The following NR2E1 variants were observed in gnomAD, a reference collection of about 807,000 sequenced individuals.
NR2E1 encodes nuclear receptor TLX.
Under a neutral mutation model 43.6 loss-of-function variants are expected in NR2E1, and 5 were observed. The ratio of observed to expected loss-of-function variants is 0.11; its 90% CI spans 0.06 to 0.24. The LOEUF (loss-of-function observed/expected upper bound fraction) is 0.24, where lower values mean the gene tolerates loss of function less well. NR2E1 is among the 10% of genes least tolerant of loss of function. The pLI is 1.00. For synonymous variants in NR2E1, 191 were observed against 195.5 expected (o/e 0.98, Z 0.19); for missense variants, 287 against 496.7 (o/e 0.58, Z 4.01).
chr6:108,169,370 C>T lies in NR2E1; in HGVS notation c.26-2088C>T, dbSNP rs879799334. Among the ~76,000 whole-genome samples the T allele has an allele frequency of 8.5e-5, 13 of 152,186 alleles. No individual in the cohort carries two copies. Among genetic ancestry groups the T allele is most frequent in the Non-Finnish European group, 1.9e-4 (13 of 68,032 alleles). On this transcript the variant is annotated intron_variant, in intron 1 of 8. Transcript: ENST00000368986. The surrounding 1 kb of genome is among the most constrained non-coding windows in gnomAD (Gnocchi z 6.1). ...CCCCACCCTGCACTGGTCTTCCCTC[C>T]ACCCTCATCGGGTTCTCCAGAGATG...
rs930391820 is a variant in NR2E1 at position 108,180,931 on chromosome 6, A to C, written c.864A>C (p.Leu288=). ...TAGATGCTACTGAATTTGCCTGTCT[A>C]AAATGCATCGTCACTTTCAAAGCCG... is the stretch of plus-strand genomic sequence containing the variant. ...LRLDATEFAC[L]KCIVTFKAVP... The change falls in exon 7 of 9, where the codon CTA becomes CTC. Residue 288 remains leucine, a synonymous_variant. Coordinates refer to ENST00000368986, the MANE Select transcript of NR2E1 (RefSeq NM_003269.5). This position sits in a 1 kb window ranked among gnomAD's most constrained non-coding sequence, Gnocchi z 5.4. 8.1e-6 allele frequency: 13 copies of C among 1,614,200 alleles called. No individual in the cohort carries two copies. Among genetic ancestry groups the C allele is most frequent in the African/African-American group, 1.3e-5 (1 of 75,056 alleles).
rs1472108317 is a variant in NR2E1 at position 108,187,321 on chromosome 6, G to A, written c.1016G>A (p.Arg339His). 1 of 1,614,110 alleles carries A rather than the reference G, an allele frequency of 6.2e-7. No homozygotes were observed. ...TCCAGATATCCCACTCAACCCTGTC[G>A]CTTTGGAAAACTCCTGTTGCTTTTG... ...IHTRYPTQPC[R>H]FGKLLLLLPA... The change falls in exon 9 of 9, where the codon CGC (arginine) becomes CAC (histidine). Residue 339 changes from arginine (R) to histidine (H), a missense_variant. Physicochemically the swap from Arg to His is conservative, Grantham distance 29 (BLOSUM62 0). Transcript: ENST00000368986.
intron 2 of NR2E1, among the ~76,000 whole-genome samples, chr6:108,173,382 T>C (rs1241607579): frequency 6.6e-6 from 1 of 152,226 alleles, no homozygotes; most frequent in Non-Finnish European, 1.5e-5. Flanking sequence ...CCAGCAAAGA[T>C]GCCCTAAATA....
chr6:108,181,618 C>T lies in NR2E1; in HGVS notation c.962C>T (p.Ala321Val). The change falls in exon 8 of 9, where the codon GCT becomes GTT. Residue 321 changes from alanine to valine, a missense_variant. Physicochemically the swap from Ala to Val is moderately conservative, Grantham distance 64 (BLOSUM62 0). Coordinates refer to ENST00000368986, the MANE Select transcript of NR2E1 (RefSeq NM_003269.5). ...AAAIAALQDE[A>V]QLTLNSYIHT... ...GCCATTGCAGCCCTTCAAGATGAGG[C>T]TCAGCTAACGCTCAACAGCTACATC... 1 of 1,614,186 alleles carries T rather than the reference C, an allele frequency of 6.2e-7. No homozygotes were observed. The highest frequency in any genetic ancestry group is 8.5e-7 in the Non-Finnish European group (1 of 1,180,002).
At chr6:108,182,658 A>G (rs1055807084) in intron 8 of NR2E1, among the ~76,000 whole-genome samples, 4 of 150,602 alleles carry the variant, frequency 2.7e-5, no homozygotes, top group African/African-American at 9.8e-5. Flanking sequence ...TTCCGGGTTC[A>G]AGTGATTCTC....
intron 3 of NR2E1, 32 bp from the exon 4 acceptor site, chr6:108,176,471 G>T (rs778239122): frequency 1.2e-6 from 2 of 1,603,068 alleles, no homozygotes; most frequent in South Asian, 1.1e-5. Context: ...GTCTCTAATC[G>T]CCGGCATGCG....
At chr6:108,176,860 C>A (rs1469340366) in intron 4 of NR2E1, 122 bp downstream of exon 4, 9 of 936,596 alleles carry the variant, frequency 9.6e-6, no homozygotes, top group African/African-American at 1.6e-5. Context: ...GGGTGCTTGG[C>A]GGGTCTCTGC....
chr6:108,180,944 A>T lies in NR2E1; in HGVS notation c.877A>T (p.Thr293Ser). 1 of 1,614,170 alleles carries T rather than the reference A, an allele frequency of 6.2e-7. No homozygotes were observed. Among genetic ancestry groups the T allele is most frequent in the Non-Finnish European group, 8.5e-7 (1 of 1,180,028 alleles). The change falls in exon 7 of 9, where the codon ACT (threonine) becomes TCT (serine). Residue 293 changes from threonine (T) to serine (S), a missense_variant. Thr to Ser is a moderately conservative substitution (Grantham distance 58). This residue lies in a region of NR2E1 where 119 missense variants were observed against 187.0 expected (regional missense o/e 0.64). Transcript: ENST00000368986. This position sits in a 1 kb window ranked among gnomAD's most constrained non-coding sequence, Gnocchi z 5.4. Reference protein sequence around the residue: ...TEFACLKCIVTFKAVPTHSGS... With the variant: ...TEFACLKCIVSFKAVPTHSGS... ...ATTTGCCTGTCTAAAATGCATCGTC[A>T]CTTTCAAAGCCGGTAAGCAGACACA...
chr6:108,177,925 G>A (rs1007816152), intron 4 of NR2E1, among the ~76,000 whole-genome samples, 170 bp from the exon 5 acceptor site: 3 of 152,226 alleles, frequency 2.0e-5, no homozygotes, highest in Non-Finnish European at 4.4e-5. Flanking sequence ...AAACTCTATA[G>A]ACAGCGATGT....
Position 108,181,656 on chromosome 6 carries a change from C to T in NR2E1, c.995+5C>T. On this transcript the variant is annotated splice_donor_5th_base_variant and intron_variant, in intron 8 of 8. Transcript: ENST00000368986. ...CAACAGCTACATCCATACCAGGTGA[C>T]CCTTGTTTGCCTTGAACATGTACTT... 1 of 1,611,270 alleles carries T rather than the reference C, an allele frequency of 6.2e-7. No homozygotes were observed. Among genetic ancestry groups the T allele is most frequent in the Non-Finnish European group, 8.5e-7 (1 of 1,177,362 alleles).
At chr6:108,176,453 G>C in intron 3 of NR2E1, 50 bp from the exon 4 acceptor site, 1 of 1,575,320 alleles carries the variant, frequency 6.3e-7, no homozygotes, top group Non-Finnish European at 8.7e-7. Context: ...CAGCGGCTGT[G>C]TCTCGACGTC....
In NR2E1 at chr6:108,168,356, C is replaced by T. The variant is rs538940648; in HGVS notation, c.25+1566C>T. ...ACCCCTGGAAGTAAGGAGCCCCGGG[C>T]TCTTTCGTCCTTTTCGGGGTGTGGA... On this transcript the variant is annotated intron_variant, in intron 1 of 8. Coordinates refer to ENST00000368986, the MANE Select transcript of NR2E1 (RefSeq NM_003269.5). 4.6e-5 allele frequency among the ~76,000 whole-genome samples: 7 copies of T among 152,342 alleles called. No homozygotes were observed. The East Asian group carries it at 1.2e-3, about 25-fold the overall frequency.
intron 1 of NR2E1, among the ~76,000 whole-genome samples, chr6:108,167,464 T>C (rs1773728279): frequency 6.6e-6 from 1 of 152,122 alleles, no homozygotes; most frequent in African/African-American, 2.4e-5. Context: ...TCGAACTTCC[T>C]TAGCTGCCGG....
intron 3 of NR2E1, chr6:108,176,208 G>C: frequency 2.2e-6 from 1 of 455,322 alleles, no homozygotes. Flanking sequence ...CTGGTGGGGA[G>C]GAGCCCTGGA....
chr6:108,182,643 T>C (rs1774011487), intron 8 of NR2E1, among the ~76,000 whole-genome samples: 1 of 151,144 alleles, frequency 6.6e-6, no homozygotes, highest in Non-Finnish European at 1.5e-5. Context: ...ACTGCAACCT[T>C]CGCCTTCCGG....
intron 3 of NR2E1, 120 bp from the exon 4 acceptor site, chr6:108,176,383 C>G: frequency 1.1e-6 from 1 of 873,548 alleles, no homozygotes; most frequent in South Asian, 1.5e-5. Context: ...CTTCTTTTCA[C>G]CTCTTGGGCG....
chr6:108,174,958 G>A (rs1773872255), intron 3 of NR2E1, 35 bp downstream of exon 3: 1 of 1,574,026 alleles, frequency 6.4e-7, no homozygotes, highest in Non-Finnish European at 8.7e-7. Context: ...AATGTTGATT[G>A]AGTAGTAAGT....
At position 108,188,411 on chromosome 6, in the gene NR2E1, A is replaced by G. The variant is rs1330791925; in HGVS notation, c.*948A>G. On this transcript the variant is annotated 3_prime_UTR_variant, in exon 9 of 9. Coordinates refer to ENST00000368986, the MANE Select transcript of NR2E1 (RefSeq NM_003269.5). The stretch of plus-strand genomic sequence containing the variant: ...GAAGGAACTTCAAGGAGATGAATGA[A>G]TGCTAAAAGGGTTCTTGACTGATCC... The G allele has an allele frequency of 2.0e-5, 3 of 151,882 alleles. No individual in the cohort carries two copies. The highest frequency in any genetic ancestry group is 4.4e-5 in the Non-Finnish European group (3 of 67,966). The allele number at this position is 151,882 out of a possible 1,614,324, so 9.4% of individuals were successfully genotyped here. A position where few individuals can be genotyped will look rare whatever the true frequency, so the allele number is the denominator to read the frequency against.
intron 8 of NR2E1, among the ~76,000 whole-genome samples, chr6:108,182,171 G>A (rs970607626): frequency 1.1e-4 from 17 of 151,326 alleles, no homozygotes; most frequent in African/African-American, 3.2e-4. Flanking sequence ...GAACCTGGGA[G>A]GTGGAACTTG....
Sources: allele counts gnomAD v4.1 joint callset (sites outside exome capture counted in the v4.1 genomes callset), GRCh38; gene constraint gnomAD v4.1.1; regional missense constraint gnomAD v4.1.1; non-coding constraint Gnocchi (gnomAD v3.1); transcripts MANE v1.5; gene names NCBI Gene and HGNC (gene_info 2026-07-23, HGNC 2026-07-21).